CTNNA3: variants seen among roughly 807,000 people sequenced by gnomAD.
The protein encoded by CTNNA3 is catenin alpha 3.
Under a neutral mutation model 95.7 loss-of-function variants are expected in CTNNA3, and 76 were observed. That is an observed-to-expected ratio of 0.79 (90% confidence interval 0.66 to 0.96). The LOEUF (loss-of-function observed/expected upper bound fraction) is 0.96. Among genes scored for constraint, CTNNA3 ranks in the 40% least tolerant of loss-of-function variants. The pLI is 0.00. For missense variants in CTNNA3, 1,191 were observed against 1,089.8 expected (o/e 1.09, Z -1.31); for synonymous variants, 431 against 374.4 (o/e 1.15, Z -1.74).
At chr10:66,704,563 A>G (rs890734587) in intron 9 of CTNNA3, among the ~76,000 whole-genome samples, 1 of 152,118 alleles carries the variant, frequency 6.6e-6, no homozygotes, top group Non-Finnish European at 1.5e-5. Context: ...GTGTGCCTGC[A>G]TAGTGGGGGT....
chr10:66,832,799 G>A (rs1009896724), intron 7 of CTNNA3, among the ~76,000 whole-genome samples: 4 of 152,112 alleles, frequency 2.6e-5, no homozygotes, highest in Admixed American at 1.3e-4. Flanking sequence ...GACACCGTGA[G>A]ACATTGGCAG....
chr10:67,286,507 C>A (rs1206013843), intron 5 of CTNNA3, among the ~76,000 whole-genome samples: 1 of 152,194 alleles, frequency 6.6e-6, no homozygotes, highest in African/African-American at 2.4e-5. Context: ...CATTATATAG[C>A]TCATGTAAAG....
At chr10:66,635,328 G>A (rs191192010) in intron 9 of CTNNA3, among the ~76,000 whole-genome samples, 1 of 152,086 alleles carries the variant, frequency 6.6e-6, no homozygotes, top group Non-Finnish European at 1.5e-5. Context: ...CTGAGGTCAA[G>A]AATAAATATG....
intron 7 of CTNNA3, among the ~76,000 whole-genome samples, chr10:66,898,045 G>T (rs1400178088): frequency 6.6e-6 from 1 of 152,126 alleles, no homozygotes; most frequent in Non-Finnish European, 1.5e-5. Context: ...AAAGGACTCA[G>T]GAGCAAAAGT....
intron 11 of CTNNA3, among the ~76,000 whole-genome samples, chr10:66,473,588 C>T (rs1438664697): frequency 6.6e-6 from 1 of 151,880 alleles, no homozygotes; most frequent in Non-Finnish European, 1.5e-5. Context: ...CACATGTATA[C>T]ATGTGCCAAG....
chr10:67,615,470 T>C (rs1429937930), intron 2 of CTNNA3, among the ~76,000 whole-genome samples: 1 of 152,220 alleles, frequency 6.6e-6, no homozygotes, highest in Non-Finnish European at 1.5e-5. Context: ...TAGTTTCTTC[T>C]AGTTTTCACT....
intron 9 of CTNNA3, among the ~76,000 whole-genome samples, chr10:66,711,443 A>G (rs1278611090): frequency 6.6e-6 from 1 of 152,016 alleles, no homozygotes; most frequent in East Asian, 1.9e-4. Context: ...TCCCTCATTC[A>G]TATGTCCCAT....
At chr10:67,726,770 T>TATA (rs1330923806) in intron 1 of CTNNA3, among the ~76,000 whole-genome samples, 1,387 of 108,106 alleles carry the variant, frequency 0.013, 51 homozygotes, top group African/African-American at 0.053. Flanking sequence ...ATATGACACA[T>TATA]ATATCATATA....
chr10:66,484,751 AC>A (rs1363225811), intron 11 of CTNNA3, among the ~76,000 whole-genome samples: 2 of 152,072 alleles, frequency 1.3e-5, no homozygotes, highest in East Asian at 1.9e-4. Context: ...TACCCACATA[AC>A]AAAGTCAGAA....
intron 10 of CTNNA3, among the ~76,000 whole-genome samples, chr10:66,570,856 T>C: frequency 6.6e-6 from 1 of 152,128 alleles, no homozygotes; most frequent in East Asian, 1.9e-4. Flanking sequence ...CAAAATGCCT[T>C]GAGTGAAATA....
intron 3 of CTNNA3, among the ~76,000 whole-genome samples, chr10:67,543,296 C>T (rs1193738563): frequency 6.6e-6 from 1 of 151,784 alleles, no homozygotes; most frequent in African/African-American, 2.4e-5. Context: ...TAAGAGATGA[C>T]AATTTCTGAA....
intron 12 of CTNNA3, among the ~76,000 whole-genome samples, chr10:66,296,542 C>T (rs1035659574): frequency 6.6e-6 from 1 of 151,568 alleles, no homozygotes; most frequent in Admixed American, 6.6e-5. Flanking sequence ...CTCACACACA[C>T]ATGTGTGTGC....
chr10:66,087,216 T>C (rs2081017780), intron 14 of CTNNA3, among the ~76,000 whole-genome samples: 1 of 152,118 alleles, frequency 6.6e-6, no homozygotes, highest in African/African-American at 2.4e-5. Context: ...CAAGCCCCTC[T>C]ATAAAGTGGA....
At chr10:67,722,293 C>A (rs1038554445) in intron 1 of CTNNA3, among the ~76,000 whole-genome samples, 2 of 152,090 alleles carry the variant, frequency 1.3e-5, no homozygotes, top group African/African-American at 4.8e-5. Context: ...AGAGACAGAT[C>A]AAAGGGGTTA....
In CTNNA3 at chr10:66,389,169, A is replaced by C. The variant is rs904257261; in HGVS notation, c.1532-9817T>G. ...ACTTTGCTTCTGATGGAATGGGTTT[A>C]CTCTTTAAACACAGCAAAAGTCATT... On this transcript the variant is annotated intron_variant, in intron 11 of 17. Coordinates refer to ENST00000433211, the MANE Select transcript of CTNNA3 (RefSeq NM_013266.4). Among the ~76,000 whole-genome samples the C allele has an allele frequency of 5.3e-5, 8 of 151,882 alleles. No individual in the cohort carries two copies. The South Asian group carries it at 1.7e-3, about 32-fold the overall frequency.
chr10:66,407,219 A>C (rs2093064554), intron 11 of CTNNA3, among the ~76,000 whole-genome samples: 3 of 148,928 alleles, frequency 2.0e-5, no homozygotes. Flanking sequence ...AAAAAAAAAA[A>C]CAGGAAAGGA....
intron 9 of CTNNA3, among the ~76,000 whole-genome samples, chr10:66,763,311 C>T (rs1393736312): frequency 1.7e-5 from 2 of 119,030 alleles, no homozygotes; most frequent in African/African-American, 7.2e-5. Context: ...GAGATAAACA[C>T]ACACACACAC....
chr10:67,570,214 G>T (rs1307600206), intron 3 of CTNNA3, among the ~76,000 whole-genome samples: 1 of 151,910 alleles, frequency 6.6e-6, no homozygotes, highest in Non-Finnish European at 1.5e-5. Context: ...TATTATATAT[G>T]AAATTCTTCT....
intron 1 of CTNNA3, among the ~76,000 whole-genome samples, chr10:67,739,414 T>C (rs1010689116): frequency 6.6e-6 from 1 of 152,182 alleles, no homozygotes; most frequent in Non-Finnish European, 1.5e-5. Context: ...AACCCCATTG[T>C]CTCAGCCCAA....
Sources: allele counts gnomAD v4.1 joint callset (sites outside exome capture counted in the v4.1 genomes callset), GRCh38; gene constraint gnomAD v4.1.1; transcripts MANE v1.5; gene names NCBI Gene and HGNC (gene_info 2026-07-23, HGNC 2026-07-21).